The following CCDC141 variants were observed in gnomAD, a reference collection of about 807,000 sequenced individuals.
CCDC141 encodes coiled-coil domain containing 141.
Under a neutral mutation model 181.0 loss-of-function variants are expected in CCDC141, and 168 were observed. The ratio of observed to expected loss-of-function variants is 0.93; its 90% CI spans 0.82 to 1.05. The LOEUF (loss-of-function observed/expected upper bound fraction) is 1.05, where lower values mean the gene tolerates loss of function less well. Ranked by LOEUF, CCDC141 falls within the 50% of genes least tolerant of loss-of-function variation. The probability of loss-of-function intolerance (pLI) is 0.00; values close to 1 mark genes in which losing one functional copy is unlikely to be tolerated. For missense variants in CCDC141, 1,902 were observed against 1,788.5 expected, an observed-to-expected ratio of 1.06 and a Z score of -1.14; for synonymous variants, 666 against 642.3, an observed-to-expected ratio of 1.04 and a Z score of -0.56.
the CCDC141 span, among the ~76,000 whole-genome samples, chr2:178,815,040 G>A: frequency 6.6e-6 from 1 of 152,134 alleles, no homozygotes; most frequent in African/African-American, 2.4e-5. Context: ...AAGTGAAGGA[G>A]AGAAGCCTCA....
At chr2:179,002,510 TC>T in intron 2 of CCDC141, 1 of 409,192 alleles carries the variant, frequency 2.4e-6, no homozygotes, top group Non-Finnish European at 4.9e-6. Flanking sequence ...AAAGATGATG[TC>T]CAACAATATG....
chr2:178,936,834 G>A (rs1255521791), intron 6 of CCDC141, among the ~76,000 whole-genome samples: 1 of 151,958 alleles, frequency 6.6e-6, no homozygotes, highest in Non-Finnish European at 1.5e-5. Flanking sequence ...TGTATTCCTA[G>A]GAATTTAATT....
chr2:178,985,668 AT>A (rs1171377947), intron 2 of CCDC141, among the ~76,000 whole-genome samples: 1 of 152,208 alleles, frequency 6.6e-6, no homozygotes, highest in Non-Finnish European at 1.5e-5. Flanking sequence ...ACAAACTACC[AT>A]CAGAGAATAC....
intron 8 of CCDC141, 76 bp from the exon 9 acceptor site, chr2:178,888,744 T>G: frequency 1.4e-6 from 2 of 1,477,374 alleles, no homozygotes; most frequent in Non-Finnish European, 1.8e-6. Context: ...AGATCTGCTC[T>G]CATGTTAGGT....
chr2:178,939,141 A>G (rs1240855433), intron 6 of CCDC141, among the ~76,000 whole-genome samples: 2 of 152,160 alleles, frequency 1.3e-5, no homozygotes, highest in African/African-American at 2.4e-5. Flanking sequence ...CTAACCCTGT[A>G]TATAGGACTG....
At chr2:179,048,036 AT>A (rs2043557441) in intron 1 of CCDC141, among the ~76,000 whole-genome samples, 1 of 152,208 alleles carries the variant, frequency 6.6e-6, no homozygotes, top group Non-Finnish European at 1.5e-5. Flanking sequence ...GACAACTGCC[AT>A]TTGAGCACAG....
chr2:178,885,479 A>G (rs1446520689), intron 10 of CCDC141, among the ~76,000 whole-genome samples: 3 of 152,214 alleles, frequency 2.0e-5, no homozygotes, highest in African/African-American at 7.2e-5. Context: ...ATTATATGAG[A>G]TGGCAAATTT....
Position 179,036,442 on chromosome 2 carries a change from C to T in CCDC141, c.225+10842G>A, listed in dbSNP as rs113519505. On this transcript the variant is annotated intron_variant, in intron 2 of 23. Coordinates refer to ENST00000443758, the MANE Select transcript of CCDC141 (RefSeq NM_173648.4). ...TTGTGAAAACTATGTTTTACAGAAT[C>T]GGCCAAGGCACTTTTCAAATGTAAA... 3.5e-3 allele frequency among the ~76,000 whole-genome samples: 532 copies of T among 152,262 alleles called. 1 individual carries two copies. Among genetic ancestry groups the T allele is most frequent in the South Asian group, 0.017 (80 of 4,818 alleles).
chr2:179,049,730 G>A (rs139808627), intron 1 of CCDC141, 110 bp downstream of exon 1: 266 of 1,186,660 alleles, frequency 2.2e-4, no homozygotes, highest in East Asian at 1.2e-3. Flanking sequence ...TGCTTGCTGC[G>A]TTGTCTTCTC....
intron 22 of CCDC141, among the ~76,000 whole-genome samples, chr2:178,844,505 C>T (rs1348361029): frequency 6.6e-6 from 1 of 152,126 alleles, no homozygotes; most frequent in Non-Finnish European, 1.5e-5. Context: ...GAGTAGCATC[C>T]AGCAAAATGA....
chr2:178,885,182 A>G (rs1276055194), intron 10 of CCDC141, 90 bp from the exon 11 acceptor site: 1 of 796,828 alleles, frequency 1.3e-6, no homozygotes, highest in African/African-American at 1.7e-5. Context: ...ACCAATTATG[A>G]TCACTAATTG....
chr2:178,992,901 G>A (rs189752898), intron 2 of CCDC141, among the ~76,000 whole-genome samples: 2 of 152,018 alleles, frequency 1.3e-5, no homozygotes, highest in Non-Finnish European at 2.9e-5. Context: ...CTTTTTGTCG[G>A]CACTTCTCTT....
chr2:178,960,417 T>C (rs148293455), intron 5 of CCDC141, among the ~76,000 whole-genome samples: 55 of 152,244 alleles, frequency 3.6e-4, no homozygotes, highest in African/African-American at 1.2e-3. Flanking sequence ...AGTAATAATA[T>C]TAAACATATG....
chr2:178,983,413 C>T (rs868618954), intron 2 of CCDC141, among the ~76,000 whole-genome samples: 48 of 152,336 alleles, frequency 3.2e-4, no homozygotes, highest in African/African-American at 1.1e-3. Flanking sequence ...AGCACCTCTC[C>T]TCCTCCAAAG....
intron 12 of CCDC141, chr2:178,876,233 A>C (rs978727594): frequency 3.3e-5 from 5 of 152,206 alleles, no homozygotes; most frequent in Non-Finnish European, 7.3e-5. Context: ...ATCACATCCC[A>C]GGTACAGAGA....
chr2:178,907,729 C>T (rs1431943292), intron 7 of CCDC141, among the ~76,000 whole-genome samples: 1 of 152,136 alleles, frequency 6.6e-6, no homozygotes, highest in African/African-American at 2.4e-5. Context: ...CACGGTGGCT[C>T]ACACCTGTAA....
At chr2:178,915,645 C>T (rs935472001) in intron 7 of CCDC141, 4 of 152,196 alleles carry the variant, frequency 2.6e-5, no homozygotes, top group African/African-American at 9.7e-5. Context: ...GTGCTAACAT[C>T]CAATTTGCAT....
chr2:178,922,722 T>C (rs1211694169), intron 6 of CCDC141, among the ~76,000 whole-genome samples: 1 of 152,360 alleles, frequency 6.6e-6, no homozygotes, highest in African/African-American at 2.4e-5. Flanking sequence ...CTGCCTTCAG[T>C]ATAAATTTTG....
intron 2 of CCDC141, among the ~76,000 whole-genome samples, chr2:179,015,120 T>TC (rs2042423566): frequency 9.7e-5 from 6 of 62,040 alleles, no homozygotes; most frequent in African/African-American, 2.7e-4. Flanking sequence ...TATATAATCA[T>TC]ATATATATAT....
Sources: gnomAD v4.1 joint callset for allele counts (sites outside exome capture counted in the v4.1 genomes callset) on GRCh38, gnomAD v4.1.1 for gene constraint, MANE v1.5 for transcripts, NCBI Gene and HGNC (gene_info 2026-07-23, HGNC 2026-07-21) for gene names.